EXOC4: variants seen among roughly 807,000 people sequenced by gnomAD.
The protein encoded by EXOC4 is SEC8-like 1.
Under a neutral mutation model 107.2 loss-of-function variants are expected in EXOC4, and 71 were observed. That is an observed-to-expected ratio of 0.66 (90% CI 0.55 to 0.81). The LOEUF (loss-of-function observed/expected upper bound fraction) is 0.81, where lower values mean the gene tolerates loss of function less well. Among genes scored for constraint, EXOC4 ranks in the 30% least tolerant of loss-of-function variants. EXOC4 has a pLI of 0.00. For synonymous variants in EXOC4, 456 were observed against 441.2 expected, an observed-to-expected ratio of 1.03 and a Z score of -0.42; for missense variants, 1,108 against 1,189.6, an observed-to-expected ratio of 0.93 and a Z score of 1.01.
intron 9 of EXOC4, among the ~76,000 whole-genome samples, chr7:133,507,047 A>G (rs989518918): frequency 6.6e-6 from 1 of 152,146 alleles, no homozygotes; most frequent in Non-Finnish European, 1.5e-5. Context: ...TCTAAAAATA[A>G]TTTCAAAGCT....
chr7:133,384,777 G>C (rs1796690937), intron 7 of EXOC4, among the ~76,000 whole-genome samples: 2 of 138,942 alleles, frequency 1.4e-5, no homozygotes, highest in Non-Finnish European at 3.1e-5. Flanking sequence ...CAATGAGTAT[G>C]TCTGAATCCT....
chr7:133,362,798 C>T (rs1337811123), intron 6 of EXOC4, among the ~76,000 whole-genome samples: 1 of 152,182 alleles, frequency 6.6e-6, no homozygotes, highest in Admixed American at 6.5e-5. Flanking sequence ...GCATGAGTTT[C>T]TATTTCACAT....
intron 4 of EXOC4, among the ~76,000 whole-genome samples, chr7:133,310,257 C>T (rs1794840057): frequency 6.6e-6 from 1 of 152,294 alleles, no homozygotes; most frequent in Non-Finnish European, 1.5e-5. Flanking sequence ...CCAAGACCCA[C>T]AGTAGGTACC....
the EXOC4 span, among the ~76,000 whole-genome samples, chr7:134,082,056 T>C: frequency 6.6e-6 from 1 of 152,100 alleles, no homozygotes; most frequent in African/African-American, 2.4e-5. Context: ...GGTTCTTGGA[T>C]CTCACACAAG....
chr7:133,453,282 A>G (rs1460337496), intron 7 of EXOC4, among the ~76,000 whole-genome samples: 1 of 152,216 alleles, frequency 6.6e-6, no homozygotes, highest in African/African-American at 2.4e-5. Flanking sequence ...GGCATGGAAT[A>G]TAGTAGAAAG....
At chr7:133,264,755 T>C (rs1175101199) in intron 1 of EXOC4, among the ~76,000 whole-genome samples, 1 of 152,212 alleles carries the variant, frequency 6.6e-6, no homozygotes, top group Non-Finnish European at 1.5e-5. Flanking sequence ...CTATTTGTCA[T>C]ATACAAAATG....
rs114339356 is a variant in EXOC4 at position 133,696,549 on chromosome 7, T to G, written c.1514+66408T>G. Among the ~76,000 whole-genome samples the G allele has an allele frequency of 5.2e-3, 799 of 152,316 alleles. 5 individuals carry two copies. Among genetic ancestry groups the G allele is most frequent in the African/African-American group, 0.018 (741 of 41,564 alleles). On this transcript the variant is annotated intron_variant, in intron 10 of 17. Coordinates refer to ENST00000253861, the MANE Select transcript of EXOC4 (RefSeq NM_021807.4). ...TAGAAAATATAGCTCCTCTTTTTTT[T>G]CCCCATGTACCTTATGGTCTTATAT...
At chr7:133,390,502 G>GAGC (rs777213253) in intron 7 of EXOC4, among the ~76,000 whole-genome samples, 1 of 152,182 alleles carries the variant, frequency 6.6e-6, no homozygotes, top group Non-Finnish European at 1.5e-5. Flanking sequence ...TGAAGAAGCA[G>GAGC]AGCAAGCAGG....
chr7:133,281,456 A>G (rs909908555), intron 2 of EXOC4, among the ~76,000 whole-genome samples: 8 of 151,352 alleles, frequency 5.3e-5, no homozygotes, highest in Non-Finnish European at 8.8e-5. Context: ...ACTTTCGCCA[A>G]CAAAATTCAA....
intron 7 of EXOC4, among the ~76,000 whole-genome samples, chr7:133,378,435 T>TC (rs1374919592): frequency 1.4e-4 from 21 of 151,642 alleles, no homozygotes; most frequent in Admixed American, 9.2e-4. Flanking sequence ...AAAATGCTTT[T>TC]CCCCCCCACA....
chr7:133,323,902 C>G (rs1430395082), intron 5 of EXOC4, among the ~76,000 whole-genome samples: 8 of 152,234 alleles, frequency 5.3e-5, no homozygotes, highest in Non-Finnish European at 8.8e-5. Flanking sequence ...TGTTATTGGT[C>G]TATTCAGAGA....
At chr7:133,881,859 C>A (rs1798973467) in intron 11 of EXOC4, among the ~76,000 whole-genome samples, 1 of 152,134 alleles carries the variant, frequency 6.6e-6, no homozygotes, top group Admixed American at 6.5e-5. Context: ...ATTAGAATAG[C>A]AATACATCTA....
At chr7:133,528,146 C>T (rs981807087) in intron 9 of EXOC4, among the ~76,000 whole-genome samples, 2 of 152,124 alleles carry the variant, frequency 1.3e-5, no homozygotes, top group African/African-American at 2.4e-5. Flanking sequence ...TAATCTTTGG[C>T]TTAATGACAG....
At chr7:133,828,854 T>A (rs2042450) in intron 11 of EXOC4, among the ~76,000 whole-genome samples, 1 of 152,256 alleles carries the variant, frequency 6.6e-6, no homozygotes, top group South Asian at 2.1e-4. Flanking sequence ...AAGCAAGACT[T>A]CTTCTTCTCA....
chr7:133,389,396 C>A (rs1308465085), intron 7 of EXOC4, among the ~76,000 whole-genome samples: 1 of 151,712 alleles, frequency 6.6e-6, no homozygotes, highest in Admixed American at 6.6e-5. Flanking sequence ...CATGGTGAAA[C>A]CCTGTCTCTA....
At chr7:133,729,428 A>G (rs1362553215) in intron 10 of EXOC4, among the ~76,000 whole-genome samples, 1 of 152,176 alleles carries the variant, frequency 6.6e-6, no homozygotes, top group South Asian at 2.1e-4. Flanking sequence ...CCTAATATAC[A>G]AATCTTGCAA....
At chr7:134,074,538 C>T in the EXOC4 span, among the ~76,000 whole-genome samples, 8 of 152,272 alleles carry the variant, frequency 5.3e-5, no homozygotes, top group African/African-American at 9.6e-5. Flanking sequence ...AGAGAGCTTC[C>T]GTCCCAACCA....
chr7:133,311,893 G>A (rs1794879916), intron 4 of EXOC4, among the ~76,000 whole-genome samples: 1 of 152,012 alleles, frequency 6.6e-6, no homozygotes, highest in South Asian at 2.1e-4. Context: ...AAAATTAAAT[G>A]CAGTTTTTTG....
In EXOC4 at chr7:133,583,735, T is replaced by A. The variant is rs1268456293; in HGVS notation, c.1418-46310T>A. ...GGCCTGATTTTTGAAAGGCCTTGAA[T>A]GCCATACTAAGGAATATCACCATTA... is the stretch of plus-strand genomic sequence containing the variant. On this transcript the variant is annotated intron_variant, in intron 9 of 17. Coordinates refer to ENST00000253861, the MANE Select transcript of EXOC4 (RefSeq NM_021807.4). 3.9e-5 allele frequency among the ~76,000 whole-genome samples: 6 copies of A among 152,206 alleles called. No individual in the cohort carries two copies. In the South Asian group the frequency reaches 6.2e-4, roughly 16 times the overall value.
Sources: allele counts gnomAD v4.1 joint callset (sites outside exome capture counted in the v4.1 genomes callset), GRCh38; gene constraint gnomAD v4.1.1; transcripts MANE v1.5; gene names NCBI Gene and HGNC (gene_info 2026-07-23, HGNC 2026-07-21).